Variants in DPP10 observed in about 807,000 individuals in gnomAD.
DPP10 encodes the protein inactive dipeptidyl peptidase 10.
A neutral mutation model predicts 120.9 loss-of-function variants in DPP10; 33 were observed. The observed-to-expected ratio is 0.27, with a 90% CI of 0.21 to 0.37. DPP10 has a LOEUF of 0.37. DPP10 is among the 10% of genes least tolerant of loss of function. DPP10 has a pLI of 1.00. For missense variants in DPP10, 816 were observed against 942.8 expected (o/e 0.87, Z 1.76); for synonymous variants, 337 against 326.1 (o/e 1.03, Z -0.36).
intron 1 of DPP10, among the ~76,000 whole-genome samples, chr2:115,250,514 C>T (rs1217295733): frequency 1.3e-5 from 2 of 152,068 alleles, no homozygotes; most frequent in African/African-American, 4.8e-5. Flanking sequence ...GGAATAGGGA[C>T]TCAAAGGGAA....
chr2:115,571,421 C>T (rs975331306), intron 5 of DPP10, among the ~76,000 whole-genome samples: 20 of 152,092 alleles, frequency 1.3e-4, no homozygotes, highest in African/African-American at 4.8e-4. Context: ...CTATTGTTGC[C>T]ATTTTTAAAA....
At chr2:115,239,869 C>T (rs1180123119) in intron 1 of DPP10, among the ~76,000 whole-genome samples, 3 of 152,058 alleles carry the variant, frequency 2.0e-5, no homozygotes, top group Non-Finnish European at 4.4e-5. Flanking sequence ...TTTCTGTTCC[C>T]GTGTTAGTTT....
intron 1 of DPP10, among the ~76,000 whole-genome samples, chr2:114,859,252 A>G (rs1252238503): frequency 6.6e-6 from 1 of 152,028 alleles, no homozygotes; most frequent in Non-Finnish European, 1.5e-5. Context: ...CTGTAATCCC[A>G]GTAACTTGGG....
chr2:115,058,891 T>A (rs1292695934), intron 1 of DPP10, among the ~76,000 whole-genome samples: 1 of 152,232 alleles, frequency 6.6e-6, no homozygotes, highest in African/African-American at 2.4e-5. Context: ...TCTTCTCCCA[T>A]GATACAACTC....
intron 1 of DPP10, among the ~76,000 whole-genome samples, chr2:114,792,198 T>C (rs1442757518): frequency 6.6e-6 from 1 of 152,208 alleles, no homozygotes; most frequent in Non-Finnish European, 1.5e-5. Context: ...ATCTTTAAGA[T>C]AGTGCATCGG....
At chr2:115,615,730 A>C (rs759142858) in intron 5 of DPP10, among the ~76,000 whole-genome samples, 20 of 152,192 alleles carry the variant, frequency 1.3e-4, no homozygotes, top group Non-Finnish European at 2.4e-4. Flanking sequence ...TTAATGTCAA[A>C]TCTAATATTT....
At chr2:114,996,910 A>G (rs1325581925) in intron 1 of DPP10, among the ~76,000 whole-genome samples, 3 of 133,952 alleles carry the variant, frequency 2.2e-5, no homozygotes, top group African/African-American at 8.5e-5. Flanking sequence ...TGAACCCGGG[A>G]GGCGGAGGTT....
At chr2:114,571,173 C>T (rs1002888845) in intron 1 of DPP10, among the ~76,000 whole-genome samples, 6 of 152,034 alleles carry the variant, frequency 3.9e-5, no homozygotes, top group Admixed American at 6.6e-5. Flanking sequence ...GGAGACGGGG[C>T]GTACTGGGAG....
rs1573685888 is a variant in DPP10, at chr2:114,571,580, G to C, written c.60+128742G>C. Among the ~76,000 whole-genome samples the C allele has an allele frequency of 2.6e-5, 4 of 152,068 alleles. No individual in the cohort carries two copies. The South Asian group carries it at 8.3e-4, about 31-fold the overall frequency. ...ATGATATGCCACTTCATAGAGGGCAGACGCCACCGCTAAAACTTATGGAGG... is the reference window on the plus strand; with the variant it reads ...ATGATATGCCACTTCATAGAGGGCACACGCCACCGCTAAAACTTATGGAGG... On this transcript the variant is annotated intron_variant, in intron 1 of 25. Coordinates refer to ENST00000410059, the MANE Select transcript of DPP10 (RefSeq NM_020868.6).
At chr2:115,715,145 G>C (rs1447735786) in intron 7 of DPP10, among the ~76,000 whole-genome samples, 1 of 151,522 alleles carries the variant, frequency 6.6e-6, no homozygotes, top group Non-Finnish European at 1.5e-5. Context: ...TTCAAGACCA[G>C]CCTGACCAAC....
chr2:115,327,875 A>G lies in DPP10; in HGVS notation c.176-15942A>G, dbSNP rs189102806. On this transcript the variant is annotated intron_variant, in intron 2 of 25. Coordinates refer to ENST00000410059, the MANE Select transcript of DPP10 (RefSeq NM_020868.6). ...ATATGGCCATAAAGAATATAATGAC[A>G]ATTGTTTGATGTCACAGTGTCGACT... Among the ~76,000 whole-genome samples the G allele has an allele frequency of 1.1e-4, 17 of 152,196 alleles. No individual in the cohort carries two copies. The East Asian group carries it at 3.3e-3, about 29-fold the overall frequency.
chr2:114,453,961 C>T (rs780010588), intron 1 of DPP10, among the ~76,000 whole-genome samples: 2 of 152,186 alleles, frequency 1.3e-5, no homozygotes, highest in Admixed American at 6.5e-5. Flanking sequence ...TACAGTCCGA[C>T]ATCTTTTCTC....
At chr2:115,521,846 A>C (rs755746227) in intron 4 of DPP10, among the ~76,000 whole-genome samples, 1 of 152,306 alleles carries the variant, frequency 6.6e-6, no homozygotes, top group African/African-American at 2.4e-5. Flanking sequence ...ACCACTTATG[A>C]AAACAGTAAT....
At chr2:115,063,067 T>C (rs1018720939) in intron 1 of DPP10, among the ~76,000 whole-genome samples, 2 of 152,186 alleles carry the variant, frequency 1.3e-5, no homozygotes, top group African/African-American at 2.4e-5. Flanking sequence ...TTCTTGACTT[T>C]TTAATAATCA....
At chr2:114,669,908 C>G (rs1298845945) in intron 1 of DPP10, among the ~76,000 whole-genome samples, 1 of 152,018 alleles carries the variant, frequency 6.6e-6, no homozygotes, top group East Asian at 1.9e-4. Context: ...AGCCAAAAGA[C>G]ACATGAAAAA....
chr2:115,333,242 C>T (rs965003689), intron 2 of DPP10, among the ~76,000 whole-genome samples: 3 of 152,126 alleles, frequency 2.0e-5, no homozygotes, highest in African/African-American at 7.2e-5. Flanking sequence ...ACTAGGATTA[C>T]AACCCCTGCC....
chr2:115,023,903 C>T lies in DPP10; in HGVS notation c.61-285336C>T, dbSNP rs1352719022. ...AGACTATTTTTTAAGTAAAGTAACT[C>T]AGCAATAAAAAACCAAGCATCATAT... is the stretch of plus-strand genomic sequence containing the variant. On this transcript the variant is annotated intron_variant, in intron 1 of 25. Coordinates refer to ENST00000410059, the MANE Select transcript of DPP10 (RefSeq NM_020868.6). Among the ~76,000 whole-genome samples, 3 of 152,040 alleles carry T rather than the reference C, an allele frequency of 2.0e-5. No homozygotes were observed. The East Asian group carries it at 5.8e-4, about 29-fold the overall frequency.
intron 1 of DPP10, among the ~76,000 whole-genome samples, chr2:114,809,198 A>T (rs1274982603): frequency 6.6e-6 from 1 of 152,188 alleles, no homozygotes; most frequent in Non-Finnish European, 1.5e-5. Flanking sequence ...AAGTGGAAAG[A>T]AATTTTGTGT....
intron 1 of DPP10, among the ~76,000 whole-genome samples, chr2:114,926,258 T>C (rs1270986203): frequency 6.6e-6 from 1 of 152,196 alleles, no homozygotes; most frequent in Non-Finnish European, 1.5e-5. Context: ...GTGTTATTGA[T>C]GGTGGCATAT....
Sources: allele counts gnomAD v4.1 joint callset (sites outside exome capture counted in the v4.1 genomes callset), GRCh38; gene constraint gnomAD v4.1.1; transcripts MANE v1.5; gene names NCBI Gene and HGNC (gene_info 2026-07-23, HGNC 2026-07-21).